REL: variants seen among roughly 807,000 people sequenced by gnomAD.
The protein encoded by REL is proto-oncogene c-Rel.
REL carries 15 observed loss-of-function variants against 45.9 expected under a neutral mutation model. The observed-to-expected ratio is 0.33, with a 90% CI of 0.22 to 0.50. The LOEUF (loss-of-function observed/expected upper bound fraction) is 0.50, where lower values mean the gene tolerates loss of function less well. Ranked by LOEUF, REL falls within the 20% of genes least tolerant of loss-of-function variation. REL has a pLI of 0.98. For synonymous variants in REL, 239 were observed against 242.1 expected, an observed-to-expected ratio of 0.99 and a Z score of 0.12; for missense variants, 601 against 715.2, an observed-to-expected ratio of 0.84 and a Z score of 1.82.
intron 1 of REL, among the ~76,000 whole-genome samples, chr2:60,890,751 C>A (rs1412994156): frequency 6.6e-6 from 1 of 152,162 alleles, no homozygotes; most frequent in African/African-American, 2.4e-5. Flanking sequence ...ATGTATACAA[C>A]CCTGGAATCA....
chr2:60,890,414 T>C (rs1673179554), intron 1 of REL, among the ~76,000 whole-genome samples: 1 of 152,142 alleles, frequency 6.6e-6, no homozygotes. Flanking sequence ...GTAGCTGGGG[T>C]AGGATTCTAA....
At chr2:60,911,490 A>T (rs1341978809) in intron 4 of REL, 2 of 152,212 alleles carry the variant, frequency 1.3e-5, no homozygotes, top group Non-Finnish European at 2.9e-5. Flanking sequence ...TAAAATTAAT[A>T]TATAAAGGTC....
chr2:60,890,855 C>T (rs1056400966), intron 1 of REL, among the ~76,000 whole-genome samples: 43 of 152,126 alleles, frequency 2.8e-4, no homozygotes, highest in Admixed American at 1.3e-4. Context: ...TTGTATATTA[C>T]TTTACATATC....
rs200699558 is a variant in REL at position 60,922,099 on chromosome 2, C to T, written c.1328C>T (p.Ser443Leu). ...GATGACATAGTCGGAATGGAAGCGT[C>T]ATCCATGCCATCAGCAGATTTATAT... ...NADDIVGMEASSMPSADLYGI... is the reference protein window; with the variant it reads ...NADDIVGMEALSMPSADLYGI... The change falls in exon 10 of 10, where the codon TCA becomes TTA. Residue 443 changes from serine (S) to leucine (L), a missense_variant. By Grantham distance (145) the Ser-to-Leu change is moderately radical. This residue lies in a region of REL where 334 missense variants were observed against 333.1 expected (regional missense o/e 1.00). Coordinates refer to ENST00000394479, the MANE Select transcript of REL (RefSeq NM_001291746.2). The T allele has an allele frequency of 6.2e-7, 1 of 1,614,138 alleles. No individual in the cohort carries two copies. The highest frequency in any genetic ancestry group is 1.3e-5 in the African/African-American group (1 of 75,044).
intron 4 of REL, among the ~76,000 whole-genome samples, chr2:60,901,523 CT>C (rs781153036): frequency 4.6e-5 from 7 of 152,052 alleles, no homozygotes; most frequent in Admixed American, 1.3e-4. Context: ...TGACATGTAC[CT>C]GTATCTGAGG....
intron 4 of REL, among the ~76,000 whole-genome samples, chr2:60,901,857 T>C (rs1673506790): frequency 6.6e-6 from 1 of 152,210 alleles, no homozygotes; most frequent in African/African-American, 2.4e-5. Flanking sequence ...TTTGTGTATA[T>C]GACTAGATAT....
chr2:60,882,532 G>A (rs1222993905), intron 1 of REL, among the ~76,000 whole-genome samples: 1 of 152,072 alleles, frequency 6.6e-6, no homozygotes, highest in African/African-American at 2.4e-5. Flanking sequence ...AAAATCAGCG[G>A]GGCGTGGTGG....
At position 60,922,423 on chromosome 2, in the gene REL, G is replaced by C; in HGVS notation, c.1652G>C (p.Ser551Thr). The C allele has an allele frequency of 4.3e-6, 7 of 1,614,000 alleles. No homozygotes were observed. The highest frequency in any genetic ancestry group is 5.9e-6 in the Non-Finnish European group (7 of 1,179,958). The change falls in exon 10 of 10, where the codon AGT (serine) becomes ACT (threonine). Residue 551 changes from serine (S) to threonine (T), a missense_variant. By Grantham distance (58) the Ser-to-Thr change is moderately conservative (BLOSUM62 1). Around this residue, in one of 4 missense-constraint regions of REL, gnomAD observed 334 missense variants for 333.1 expected, o/e 1.00. Transcript: ENST00000394479. The stretch of plus-strand genomic sequence containing the variant: ...ATAAATGAGTCGGGACCATCAAACA[G>C]TACTAATCCAAACAGTCATGGTTTT... ...SMINESGPSN[S>T]TNPNSHGFVQ...
intron 4 of REL, among the ~76,000 whole-genome samples, chr2:60,908,947 C>G (rs1673731927): frequency 6.6e-6 from 1 of 152,094 alleles, no homozygotes; most frequent in South Asian, 2.1e-4. Context: ...CAAGAAAAAG[C>G]CTTTCCTTAC....
In REL at chr2:60,923,023, GAC is replaced by G; in HGVS notation, c.*490_*491del. On this transcript the variant is annotated 3_prime_UTR_variant, in exon 10 of 10. Transcript: ENST00000394479. The stretch of plus-strand genomic sequence containing the variant: ...CACACCACCGCACTCCAGCCTGGGT[GAC>G]AGAGTGAGACTCTGTCTCAAAAAAA... 6.2e-6 allele frequency: 1 copy of G among 160,298 alleles called. No individual in the cohort carries two copies. Among genetic ancestry groups the G allele is most frequent in the Non-Finnish European group, 1.3e-5 (1 of 74,136 alleles). 9.9% of individuals were successfully genotyped at this position (160,298 alleles called of 1,614,324 possible). A position where few individuals can be genotyped will look rare whatever the true frequency, so the allele number is the denominator to read the frequency against.
At chr2:60,887,693 C>T (rs976094166) in intron 1 of REL, among the ~76,000 whole-genome samples, 43 of 149,990 alleles carry the variant, frequency 2.9e-4, no homozygotes, top group African/African-American at 1.0e-3. Context: ...TTGTAATACT[C>T]TACATTCCCC....
chr2:60,906,164 A>G (rs183032398), intron 4 of REL, among the ~76,000 whole-genome samples: 2,097 of 152,262 alleles, frequency 0.014, 15 homozygotes, highest in Middle Eastern at 0.02. Context: ...TATGGGGGAA[A>G]CCACCCCCAT....
In REL at chr2:60,925,998, T is replaced by C; in HGVS notation, c.*3463T>C. On this transcript the variant is annotated 3_prime_UTR_variant, in exon 10 of 10. Transcript: ENST00000394479. ...TTTTTCAGGTGCTATTTTTTGACCC[T>C]GTATAGACTTTAATTTAAAATGAAT... 4.4e-6 allele frequency: 1 copy of C among 227,118 alleles called. No individual in the cohort carries two copies. Among genetic ancestry groups the C allele is most frequent in the Non-Finnish European group, 8.8e-6 (1 of 113,854 alleles). 14.1% of individuals were successfully genotyped at this position (227,118 alleles called of 1,614,324 possible).
chr2:60,922,623 A>G lies in REL; in HGVS notation c.*88A>G, dbSNP rs1674176070. The G allele has an allele frequency of 7.1e-7, 1 of 1,414,260 alleles. No homozygotes were observed. Among genetic ancestry groups the G allele is most frequent in the Non-Finnish European group, 9.3e-7 (1 of 1,079,330 alleles). 87.6% of individuals were successfully genotyped at this position (1,414,260 alleles called of 1,614,324 possible). Reference sequence around the variant, plus strand: ...TGTCTAACTGGGGATATAATACTATATTTATACTGTATATATAATACTGAC... The same window carrying G: ...TGTCTAACTGGGGATATAATACTATGTTTATACTGTATATATAATACTGAC... On this transcript the variant is annotated 3_prime_UTR_variant, in exon 10 of 10. Transcript: ENST00000394479.
chr2:60,917,043 G>A, intron 5 of REL, 26 bp downstream of exon 5: 3 of 1,584,184 alleles, frequency 1.9e-6, no homozygotes, highest in Non-Finnish European at 2.6e-6. Flanking sequence ...TCTTATATTT[G>A]TAGTCTTAAC....
intron 4 of REL, among the ~76,000 whole-genome samples, chr2:60,915,053 G>T (rs1350244669): frequency 6.6e-6 from 1 of 150,760 alleles, no homozygotes; most frequent in African/African-American, 2.4e-5. Context: ...GGATGGTCTC[G>T]ATCTCCCAAC....
Position 60,925,907 on chromosome 2 carries a change from T to TC in REL, c.*3372_*3373insC. 1 of 225,534 alleles carries TC rather than the reference T, an allele frequency of 4.4e-6. No homozygotes were observed. The highest frequency in any genetic ancestry group is 8.9e-6 in the Non-Finnish European group (1 of 112,894). 14.0% of individuals were successfully genotyped at this position (225,534 alleles called of 1,614,324 possible). On this transcript the variant is annotated 3_prime_UTR_variant, in exon 10 of 10. Coordinates refer to ENST00000394479, the MANE Select transcript of REL (RefSeq NM_001291746.2). ...AAAACTAAATAAGTGTTGGCTAGTT[T>TC]TGCGGTGTAAGCAGAATTAAGGTTC...
chr2:60,891,304 A>T (rs959761905), intron 1 of REL, among the ~76,000 whole-genome samples: 1 of 152,204 alleles, frequency 6.6e-6, no homozygotes, highest in Non-Finnish European at 1.5e-5. Context: ...TTACTTCTGA[A>T]TACTGCCTTC....
chr2:60,918,239 G>C lies in REL; in HGVS notation c.584G>C (p.Cys195Ser), dbSNP rs370516111. The C allele has an allele frequency of 1.2e-5, 19 of 1,610,684 alleles. No homozygotes were observed. Among genetic ancestry groups the C allele is most frequent in the Non-Finnish European group, 1.5e-5 (18 of 1,178,090 alleles). Residue 195 changes from cysteine to serine, a missense_variant, in exon 6 of 10, where the codon TGT becomes TCT. Physicochemically the swap from Cys to Ser is moderately radical, Grantham distance 112. Coordinates refer to ENST00000394479, the MANE Select transcript of REL (RefSeq NM_001291746.2). ...AGGATTTGTCGTGTAAACAAGAATTGTGGAAGTGTCAGAGGAGGAGATGAA... is the reference window on the plus strand; with the variant it reads ...AGGATTTGTCGTGTAAACAAGAATTCTGGAAGTGTCAGAGGAGGAGATGAA... ...ELRICRVNKN[C>S]GSVRGGDEIF...
Sources: gnomAD v4.1 joint callset for allele counts (sites outside exome capture counted in the v4.1 genomes callset) on GRCh38, gnomAD v4.1.1 for gene constraint, gnomAD v4.1.1 regional missense constraint, MANE v1.5 for transcripts, NCBI Gene and HGNC (gene_info 2026-07-23, HGNC 2026-07-21) for gene names.